The following DHX36 variants were observed in gnomAD, a reference collection of about 807,000 sequenced individuals.
The protein encoded by DHX36 is DEAH-box helicase 36, also known as ATP-dependent DNA/RNA helicase DHX36.
In DHX36, 50 loss-of-function variants were observed where a neutral mutation model predicts 139.0. That is an observed-to-expected ratio of 0.36 (90% confidence interval 0.29 to 0.46). The LOEUF (loss-of-function observed/expected upper bound fraction) is 0.46. Among genes scored for constraint, DHX36 ranks in the 20% least tolerant of loss-of-function variants. The pLI is 1.00. For synonymous variants in DHX36, 425 were observed against 401.9 expected, an observed-to-expected ratio of 1.06 and a Z score of -0.69; for missense variants, 1,024 against 1,211.3, an observed-to-expected ratio of 0.85 and a Z score of 2.29.
rs1304088085 is a variant in DHX36, at chr3:154,315,202, A to G, written c.447T>C (p.Asn149=). The G allele has an allele frequency of 6.2e-7, 1 of 1,612,608 alleles. No homozygotes were observed. Among genetic ancestry groups the G allele is most frequent in the Non-Finnish European group, 8.5e-7 (1 of 1,179,462 alleles). The change falls in exon 3 of 25, where the codon AAT becomes AAC. Residue 149 remains asparagine (N), a synonymous_variant. Transcript: ENST00000496811. The stretch of plus-strand genomic sequence containing the variant: ...TGATTCTAAACATTTTTTTTTCTTG[A>G]TTTATCAACTTCTTTTCCTGGATGT... The part of the protein sequence containing the change: ...KLDIQEKKLI[N]QEKKMFRIRN...
At chr3:154,293,611 T>C (rs2108345509) in intron 14 of DHX36, 137 bp downstream of exon 14, 1 of 602,836 alleles carries the variant, frequency 1.7e-6, no homozygotes, top group Non-Finnish European at 2.9e-6. Context: ...AAAACTATGC[T>C]CACTGCCATA....
At chr3:154,314,250 A>T (rs138747012) in intron 3 of DHX36, among the ~76,000 whole-genome samples, 20 of 152,350 alleles carry the variant, frequency 1.3e-4, no homozygotes, top group African/African-American at 4.3e-4. Context: ...ACCTCAGCTT[A>T]TCTATTCTAA....
At chr3:154,282,007 C>A (rs1439928418) in intron 20 of DHX36, among the ~76,000 whole-genome samples, 2 of 152,104 alleles carry the variant, frequency 1.3e-5, no homozygotes, top group African/African-American at 4.8e-5. Flanking sequence ...TACAGTATTT[C>A]TTGAATGCCT....
intron 1 of DHX36, among the ~76,000 whole-genome samples, chr3:154,321,434 T>A (rs1361841730): frequency 1.3e-5 from 2 of 152,160 alleles, no homozygotes; most frequent in East Asian, 3.9e-4. Context: ...AACTTAAGGG[T>A]TACTGTCCCT....
At chr3:154,311,734 G>GATGTATAAAATAATGAT in intron 3 of DHX36, 60 bp from the exon 4 acceptor site, 1 of 1,378,304 alleles carries the variant, frequency 7.3e-7, no homozygotes, top group Non-Finnish European at 1.0e-6. Flanking sequence ...TTATAATCAT[G>GATGTATAAAATAATGAT]GTATTTAGGA....
At chr3:154,305,022 A>T in intron 7 of DHX36, 50 bp from the exon 8 acceptor site, 2 of 1,594,714 alleles carry the variant, frequency 1.3e-6, no homozygotes, top group Non-Finnish European at 1.7e-6. Context: ...TTTCTTTAAC[A>T]ACTAGTAAAA....
At chr3:154,307,951 G>A (rs928930331) in intron 5 of DHX36, among the ~76,000 whole-genome samples, 2 of 152,108 alleles carry the variant, frequency 1.3e-5, no homozygotes, top group African/African-American at 4.8e-5. Flanking sequence ...AGCTGTAAGA[G>A]TGAAATCATG....
chr3:154,322,561 T>C (rs1260751153), intron 1 of DHX36, among the ~76,000 whole-genome samples: 1 of 152,222 alleles, frequency 6.6e-6, no homozygotes, highest in Non-Finnish European at 1.5e-5. Flanking sequence ...ATAAATCTCA[T>C]TTGGCCTTGC....
intron 23 of DHX36, among the ~76,000 whole-genome samples, chr3:154,277,206 CT>C (rs1338905387): frequency 6.6e-6 from 1 of 152,096 alleles, no homozygotes; most frequent in African/African-American, 2.4e-5. Flanking sequence ...TATAAATCAT[CT>C]CAAATTACTG....
At chr3:154,288,700 T>C (rs190389494) in intron 17 of DHX36, among the ~76,000 whole-genome samples, 166 bp downstream of exon 17, 91 of 152,274 alleles carry the variant, frequency 6.0e-4, no homozygotes, top group African/African-American at 2.0e-3. Context: ...TTCTAATGCC[T>C]ATCTCATAAC....
At chr3:154,322,587 T>A (rs1713234915) in intron 1 of DHX36, among the ~76,000 whole-genome samples, 1 of 152,222 alleles carries the variant, frequency 6.6e-6, no homozygotes, top group African/African-American at 2.4e-5. Context: ...GAATAAATGG[T>A]CGTGTCACCA....
At chr3:154,303,808 CG>C (rs1452310748) in intron 8 of DHX36, among the ~76,000 whole-genome samples, 2 of 152,000 alleles carry the variant, frequency 1.3e-5, no homozygotes, top group Non-Finnish European at 2.9e-5. Context: ...TTGTAGCACC[CG>C]GAATTAGCGG....
intron 3 of DHX36, among the ~76,000 whole-genome samples, chr3:154,313,327 G>C (rs1398548747): frequency 1.3e-5 from 2 of 152,100 alleles, no homozygotes; most frequent in African/African-American, 2.4e-5. Flanking sequence ...ACGAAGATGT[G>C]AGATAATTCA....
rs1305560880 is a variant in DHX36 at position 154,300,756 on chromosome 3, C to A, written c.1359-60G>T. The A allele has an allele frequency of 2.1e-6, 3 of 1,454,660 alleles. No homozygotes were observed. In the East Asian group the frequency reaches 6.8e-5, roughly 33 times the overall value. 90.1% of individuals were successfully genotyped at this position (1,454,660 alleles called of 1,614,324 possible). On this transcript the variant is annotated intron_variant, in intron 10 of 24. Transcript: ENST00000496811. The stretch of plus-strand genomic sequence containing the variant: ...AATCAAGTTTTCTGTTAACTTGCTA[C>A]AAAAGCTTAAAATTAACTCAATCTG...
chr3:154,286,166 CAA>C (rs60041573), intron 17 of DHX36, among the ~76,000 whole-genome samples: 3 of 16,562 alleles, frequency 1.8e-4, no homozygotes, highest in African/African-American at 5.7e-4. Flanking sequence ...TTCCACACAC[CAA>C]AAAAAAAAAA....
chr3:154,316,752 G>A (rs1365355343), intron 1 of DHX36, among the ~76,000 whole-genome samples: 1 of 150,864 alleles, frequency 6.6e-6, no homozygotes, highest in Non-Finnish European at 1.5e-5. Flanking sequence ...GGTCCTTGGT[G>A]AACTATGAAA....
intron 15 of DHX36, 31 bp downstream of exon 15, chr3:154,292,520 C>A (rs1479587382): frequency 1.2e-6 from 2 of 1,612,690 alleles, no homozygotes; most frequent in Non-Finnish European, 1.7e-6. Context: ...TTTGTGTGTT[C>A]TAAAAGCTTT....
At chr3:154,320,957 T>C (rs1016328749) in intron 1 of DHX36, among the ~76,000 whole-genome samples, 2 of 152,214 alleles carry the variant, frequency 1.3e-5, no homozygotes, top group African/African-American at 4.8e-5. Context: ...TTTAATGACT[T>C]GCTACAGTCC....
chr3:154,288,984 A>G lies in DHX36; in HGVS notation c.1933-20T>C. 8.1e-7 allele frequency: 1 copy of G among 1,229,222 alleles called. No individual in the cohort carries two copies. 76.1% of individuals were successfully genotyped at this position (1,229,222 alleles called of 1,614,324 possible). A position where few individuals can be genotyped will look rare whatever the true frequency, so the allele number is the denominator to read the frequency against. On this transcript the variant is annotated intron_variant, in intron 16 of 24. Transcript: ENST00000496811. ...TAAAATCTAAGTGGGGGAGACAAAT[A>G]TTATTAAATACATATAATATTAATA...
Sources: allele counts gnomAD v4.1 joint callset (sites outside exome capture counted in the v4.1 genomes callset), GRCh38; gene constraint gnomAD v4.1.1; transcripts MANE v1.5; gene names NCBI Gene and HGNC (gene_info 2026-07-23, HGNC 2026-07-21).